The following CTNNA3 variants were observed in gnomAD, a reference collection of about 807,000 sequenced individuals.
CTNNA3 encodes catenin alpha-3.
CTNNA3 carries 76 observed loss-of-function variants against 95.7 expected under a neutral mutation model. The ratio of observed to expected loss-of-function variants is 0.79; its 90% confidence interval spans 0.66 to 0.96. The LOEUF is 0.96. Among genes scored for constraint, CTNNA3 ranks in the 40% least tolerant of loss-of-function variants. CTNNA3 has a pLI of 0.00. For missense variants in CTNNA3, 1,191 were observed against 1,089.8 expected (o/e 1.09, Z -1.31); for synonymous variants, 431 against 374.4 (o/e 1.15, Z -1.74).
intron 17 of CTNNA3, among the ~76,000 whole-genome samples, chr10:65,923,194 G>C (rs1394796874): frequency 1.3e-5 from 2 of 152,146 alleles, no homozygotes; most frequent in African/African-American, 2.4e-5. Flanking sequence ...CAATGTCAAA[G>C]GGCATATGTA....
intron 17 of CTNNA3, among the ~76,000 whole-genome samples, chr10:65,948,268 G>A (rs1441435565): frequency 5.3e-5 from 7 of 131,840 alleles, no homozygotes; most frequent in African/African-American, 2.1e-4. Context: ...GCAACAGAGC[G>A]AGACTCCATC....
At chr10:66,190,088 T>G (rs1340664181) in intron 13 of CTNNA3, among the ~76,000 whole-genome samples, 1 of 152,046 alleles carries the variant, frequency 6.6e-6, no homozygotes, top group Non-Finnish European at 1.5e-5. Flanking sequence ...CAACTTCCAG[T>G]TAAGATAAAT....
chr10:66,747,869 A>T (rs1246378556), intron 9 of CTNNA3, among the ~76,000 whole-genome samples: 1 of 152,190 alleles, frequency 6.6e-6, no homozygotes, highest in African/African-American at 2.4e-5. Flanking sequence ...CTTTCTAAAA[A>T]AGGTTTATAA....
rs1589449665 is a variant in CTNNA3 at position 66,936,313 on chromosome 10, TA to T, written c.1048-160790del. On this transcript the variant is annotated intron_variant, in intron 7 of 17. Coordinates refer to ENST00000433211, the MANE Select transcript of CTNNA3 (RefSeq NM_013266.4). ...CCAAAAGCTCACATTATACGTTTCT[TA>T]ATGTTAAAAAAAAAATCCCAAATGA... 2.0e-5 allele frequency among the ~76,000 whole-genome samples: 3 copies of T among 151,974 alleles called. No homozygotes were observed. The East Asian group carries it at 5.8e-4, about 29-fold the overall frequency.
At chr10:66,123,777 C>T (rs1564670930) in intron 13 of CTNNA3, among the ~76,000 whole-genome samples, 3 of 152,296 alleles carry the variant, frequency 2.0e-5, no homozygotes, top group East Asian at 3.9e-4. Context: ...AGGCTTGAGG[C>T]TTGCAACCTC....
intron 9 of CTNNA3, among the ~76,000 whole-genome samples, chr10:66,624,313 T>A (rs1186752299): frequency 6.6e-6 from 1 of 152,086 alleles, no homozygotes; most frequent in Non-Finnish European, 1.5e-5. Flanking sequence ...TTAAACGAGA[T>A]AATGTATGGG....
At chr10:66,007,704 TCCTCCCTC>T (rs1207637044) in intron 15 of CTNNA3, among the ~76,000 whole-genome samples, 1 of 86,280 alleles carries the variant, frequency 1.2e-5, no homozygotes, top group Non-Finnish European at 2.3e-5. Context: ...GGCTTTTAGA[TCCTCCCTC>T]CCTCCCTCCC....
chr10:67,002,410 T>A (rs573784762), intron 7 of CTNNA3, among the ~76,000 whole-genome samples: 1 of 152,266 alleles, frequency 6.6e-6, no homozygotes, highest in East Asian at 1.9e-4. Flanking sequence ...AGAAATGTTT[T>A]AATTTTTAAT....
chr10:66,775,585 T>C, intron 7 of CTNNA3, 61 bp from the exon 8 acceptor site: 1 of 1,225,672 alleles, frequency 8.2e-7, no homozygotes, highest in Non-Finnish European at 1.2e-6. Context: ...ACTTAGCAAT[T>C]TGCTTTCTAA....
intron 13 of CTNNA3, among the ~76,000 whole-genome samples, chr10:66,213,275 G>T (rs1025004727): frequency 6.6e-6 from 1 of 152,094 alleles, no homozygotes; most frequent in South Asian, 2.1e-4. Context: ...ATTTGAAGAT[G>T]AGTGTAGAAA....
chr10:67,484,172 C>T (rs1848356495), intron 5 of CTNNA3, among the ~76,000 whole-genome samples: 1 of 152,072 alleles, frequency 6.6e-6, no homozygotes, highest in African/African-American at 2.4e-5. Flanking sequence ...AGAATCAAAG[C>T]TACACACCTA....
At chr10:66,289,594 G>T (rs1237725865) in intron 12 of CTNNA3, among the ~76,000 whole-genome samples, 1 of 151,882 alleles carries the variant, frequency 6.6e-6, no homozygotes, top group East Asian at 1.9e-4. Flanking sequence ...AATAATATTT[G>T]TTGAATGAAT....
At chr10:66,696,454 T>TGTAGTAAATATGAG (rs1421674741) in intron 9 of CTNNA3, among the ~76,000 whole-genome samples, 1 of 152,152 alleles carries the variant, frequency 6.6e-6, no homozygotes. Flanking sequence ...TGGTACATAA[T>TGTAGTAAATATGAG]AATGTAGTAA....
intron 15 of CTNNA3, among the ~76,000 whole-genome samples, chr10:66,062,017 G>C (rs139399048): frequency 4.6e-5 from 7 of 152,104 alleles, no homozygotes; most frequent in African/African-American, 9.7e-5. Flanking sequence ...CCCAAATTCT[G>C]AAGTCGGACC....
At chr10:67,436,059 C>T (rs991059697) in intron 5 of CTNNA3, among the ~76,000 whole-genome samples, 2 of 152,100 alleles carry the variant, frequency 1.3e-5, no homozygotes, top group African/African-American at 4.8e-5. Context: ...CATCACACTA[C>T]CTGATTTCAA....
chr10:67,601,350 TAA>T (rs1219852535), intron 3 of CTNNA3, among the ~76,000 whole-genome samples: 1 of 152,194 alleles, frequency 6.6e-6, no homozygotes, highest in African/African-American at 2.4e-5. Context: ...TAGAGTCTCA[TAA>T]AGAGCACACA....
chr10:66,037,034 G>A (rs7476302), intron 15 of CTNNA3, among the ~76,000 whole-genome samples: 27,669 of 151,516 alleles, frequency 0.18, 2,697 homozygotes, highest in South Asian at 0.35. Context: ...CACCATGCCC[G>A]GCTAATTTTT....
At chr10:65,979,441 G>A (rs1029986291) in intron 16 of CTNNA3, among the ~76,000 whole-genome samples, 2 of 151,920 alleles carry the variant, frequency 1.3e-5, no homozygotes, top group South Asian at 2.1e-4. Flanking sequence ...GAATTACTTC[G>A]ACTGAAACAA....
chr10:66,679,372 T>A (rs916222504), intron 9 of CTNNA3, among the ~76,000 whole-genome samples: 2 of 152,144 alleles, frequency 1.3e-5, no homozygotes, highest in African/African-American at 4.8e-5. Context: ...CTCGTGTAAA[T>A]ACAAGATGAG....
Sources: gnomAD v4.1 joint callset for allele counts (sites outside exome capture counted in the v4.1 genomes callset) on GRCh38, gnomAD v4.1.1 for gene constraint, MANE v1.5 for transcripts, NCBI Gene and HGNC (gene_info 2026-07-23, HGNC 2026-07-21) for gene names.